Variants in GOLGA4 observed in about 807,000 individuals in gnomAD.
The protein encoded by GOLGA4 is golgin A4.
GOLGA4 carries 169 observed loss-of-function variants against 265.9 expected under a neutral mutation model. That is an observed-to-expected ratio of 0.64 (90% CI 0.56 to 0.72). The LOEUF (loss-of-function observed/expected upper bound fraction) is 0.72, where lower values mean the gene tolerates loss of function less well. Among genes scored for constraint, GOLGA4 ranks in the 30% least tolerant of loss-of-function variants. GOLGA4 has a pLI of 0.00. For synonymous variants in GOLGA4, 923 were observed against 855.8 expected (o/e 1.08, Z -1.37); for missense variants, 2,482 against 2,483.4 (o/e 1.00, Z 0.01).
intron 10 of GOLGA4, among the ~76,000 whole-genome samples, chr3:37,307,771 C>T (rs1303719200): frequency 6.6e-6 from 1 of 152,144 alleles, no homozygotes; most frequent in African/African-American, 2.4e-5. Context: ...ATTTATGTCT[C>T]CAACAATGTC....
At chr3:37,317,604 A>G (rs565794596) in intron 11 of GOLGA4, among the ~76,000 whole-genome samples, 1 of 152,358 alleles carries the variant, frequency 6.6e-6, no homozygotes, top group East Asian at 1.9e-4. Context: ...TGTGGAAGAC[A>G]ATTTATACCC....
chr3:37,335,118 GA>G lies in GOLGA4; in HGVS notation c.6261del (p.Lys2087AsnfsTer6), dbSNP rs1484147612. On this transcript the variant is annotated frameshift_variant, in exon 17 of 24. Coordinates refer to ENST00000361924, the MANE Select transcript of GOLGA4 (RefSeq NM_002078.5). LOFTEE classifies it high-confidence loss of function. ...LQTQLEELQK[K>X]YQQKLEQEEN... ...AGACTCAACTTGAGGAGCTGCAGAA[GA>G]AATACCAGCAAAAGCTAGAGCAGGA... The G allele has an allele frequency of 2.5e-6, 4 of 1,609,244 alleles. No homozygotes were observed. The highest frequency in any genetic ancestry group is 3.4e-6 in the Non-Finnish European group (4 of 1,177,158).
chr3:37,274,217 A>G (rs1183948174), intron 2 of GOLGA4, among the ~76,000 whole-genome samples: 1 of 152,076 alleles, frequency 6.6e-6, no homozygotes, highest in South Asian at 2.1e-4. Flanking sequence ...TGAGAGACAT[A>G]CTGAGTTATA....
intron 4 of GOLGA4, among the ~76,000 whole-genome samples, chr3:37,286,748 A>AGG (rs1381496765): frequency 6.6e-6 from 1 of 152,196 alleles, no homozygotes; most frequent in Non-Finnish European, 1.5e-5. Flanking sequence ...CTGCTTTTTA[A>AGG]ATACCTGCAG....
In GOLGA4 at chr3:37,291,066, A is replaced by G. The variant is rs571291170; in HGVS notation, c.582+1775A>G. Among the ~76,000 whole-genome samples the G allele has an allele frequency of 5.9e-5, 9 of 152,288 alleles. No homozygotes were observed. In the East Asian group the frequency reaches 1.7e-3, roughly 29 times the overall value. On this transcript the variant is annotated intron_variant, in intron 5 of 23. Transcript: ENST00000361924. ...GAGAAATTAAATGCCCATGTTTTATACAGTTAATGATTAGATATACATAGT... is the reference window on the plus strand; with the variant it reads ...GAGAAATTAAATGCCCATGTTTTATGCAGTTAATGATTAGATATACATAGT...
rs778153861 is a variant in GOLGA4, at chr3:37,319,146, G to A, written c.1497G>A (p.Lys499=). ...GAAAAGAGCAGGAACTGACCAAGAA[G>A]CTTCAGACCCGAGAAAGGGAATTTC... is the stretch of plus-strand genomic sequence containing the variant. The part of the protein sequence containing the change: ...LARKEQELTK[K]LQTREREFQE... Residue 499 remains lysine (K), a synonymous_variant, in exon 12 of 24, where the codon AAG becomes AAA. Coordinates refer to ENST00000361924, the MANE Select transcript of GOLGA4 (RefSeq NM_002078.5). The A allele has an allele frequency of 3.1e-6, 5 of 1,611,208 alleles. No homozygotes were observed. The highest frequency in any genetic ancestry group is 1.7e-5 in the Admixed American group (1 of 59,836).
chr3:37,314,580 G>T lies in GOLGA4; in HGVS notation c.1235-840G>T, dbSNP rs554906280. ...TGCTTGAACCCGCGAGGCAGAGGTTGCAGTGAGCTGAGATCGCACCACTGC... is the reference window on the plus strand; with the variant it reads ...TGCTTGAACCCGCGAGGCAGAGGTTTCAGTGAGCTGAGATCGCACCACTGC... On this transcript the variant is annotated intron_variant, in intron 10 of 23. Transcript: ENST00000361924. Among the ~76,000 whole-genome samples, 4 of 151,574 alleles carry T rather than the reference G, an allele frequency of 2.6e-5. No individual in the cohort carries two copies. The East Asian group carries it at 5.9e-4, about 22-fold the overall frequency.
rs112183648 is a variant in GOLGA4 at position 37,299,855 on chromosome 3, A to C, written c.1086+484A>C. 4.6e-5 allele frequency among the ~76,000 whole-genome samples: 7 copies of C among 150,860 alleles called. 1 individual carries two copies. Among genetic ancestry groups the C allele is most frequent in the African/African-American group, 1.7e-4 (7 of 41,034 alleles). On this transcript the variant is annotated intron_variant, in intron 9 of 23. Transcript: ENST00000361924. Reference sequence around the variant, plus strand: ...GCTTGAAGCCAGAAGTTCAAGATCAACCTGGGCAGTAAAGCAAGACCTCCT... The same window carrying C: ...GCTTGAAGCCAGAAGTTCAAGATCACCCTGGGCAGTAAAGCAAGACCTCCT...
intron 10 of GOLGA4, among the ~76,000 whole-genome samples, chr3:37,311,029 T>C (rs964399949): frequency 3.3e-5 from 5 of 152,204 alleles, no homozygotes; most frequent in African/African-American, 1.2e-4. Flanking sequence ...AGTTTCACTT[T>C]GGAAAGGGTA....
chr3:37,243,750 C>T (rs539294731), intron 1 of GOLGA4, 128 bp downstream of exon 1: 4 of 736,616 alleles, frequency 5.4e-6, no homozygotes, highest in South Asian at 1.8e-5. Flanking sequence ...TTTTCCCAAA[C>T]TCCGGACCCA....
At chr3:37,268,647 C>T (rs2096789992) in intron 2 of GOLGA4, among the ~76,000 whole-genome samples, 1 of 152,068 alleles carries the variant, frequency 6.6e-6, no homozygotes, top group African/African-American at 2.4e-5. Flanking sequence ...TCTCGGCTCA[C>T]TGCGACCTCT....
rs372209442 is a variant in GOLGA4 at position 37,327,292 on chromosome 3, A to T, written c.5406A>T (p.Glu1802Asp). Reference sequence around the variant, plus strand: ...TAGGTCATCTTCAAGAGGAGCTTGAAGAAAAAAACAAGAAATATTCCTTGA... The same window carrying T: ...TAGGTCATCTTCAAGAGGAGCTTGATGAAAAAAACAAGAAATATTCCTTGA... The part of the protein sequence containing the change: ...SMIGHLQEEL[E>D]EKNKKYSLIV... Residue 1802 changes from glutamate to aspartate, a missense_variant, in exon 14 of 24, where the codon GAA (glutamate) becomes GAT (aspartate). Physicochemically the swap from Glu to Asp is conservative, Grantham distance 45. Around this residue, in one of 3 missense-constraint regions of GOLGA4, gnomAD observed 942 missense variants for 983.1 expected, o/e 0.96. Coordinates refer to ENST00000361924, the MANE Select transcript of GOLGA4 (RefSeq NM_002078.5). 6 of 1,613,618 alleles carry T rather than the reference A, an allele frequency of 3.7e-6. No individual in the cohort carries two copies. The African/African-American group carries it at 8.0e-5, about 22-fold the overall frequency.
At chr3:37,286,130 ATTTCTTTC>A in intron 4 of GOLGA4, 69 bp downstream of exon 4, 1 of 304,972 alleles carries the variant, frequency 3.3e-6, no homozygotes. Flanking sequence ...ATAGTAAGAT[ATTTCTTTC>A]TTTTTTTTTT....
At position 37,325,378 on chromosome 3, in the gene GOLGA4, A is replaced by C; in HGVS notation, c.3492A>C (p.Ala1164=). Residue 1164 remains alanine (A), a synonymous_variant, in exon 14 of 24, where the codon GCA becomes GCC. Coordinates refer to ENST00000361924, the MANE Select transcript of GOLGA4 (RefSeq NM_002078.5). ...AGCTAGTTGAACTGAAGATGCTGGC[A>C]GAAGAAGATAAGCGGAAGGTTTCTG... ...QEQLVELKML[A]EEDKRKVSEL... is the part of the protein sequence containing the mutation. 6.2e-7 allele frequency: 1 copy of C among 1,613,132 alleles called. No individual in the cohort carries two copies. The highest frequency in any genetic ancestry group is 2.2e-5 in the East Asian group (1 of 44,852).
At chr3:37,253,910 G>A (rs2096740858) in intron 2 of GOLGA4, among the ~76,000 whole-genome samples, 1 of 151,990 alleles carries the variant, frequency 6.6e-6, no homozygotes, top group Non-Finnish European at 1.5e-5. Context: ...CAGCTATTTG[G>A]GAGGCTGAGG....
At chr3:37,354,530 G>C (rs763759791) in intron 21 of GOLGA4, among the ~76,000 whole-genome samples, 12 of 152,020 alleles carry the variant, frequency 7.9e-5, no homozygotes, top group Non-Finnish European at 1.5e-4. Flanking sequence ...TGCAAGCCAT[G>C]TGTAATGTTT....
chr3:37,288,476 G>T (rs2096856069), intron 4 of GOLGA4, among the ~76,000 whole-genome samples: 2 of 148,556 alleles, frequency 1.3e-5, no homozygotes, highest in Non-Finnish European at 3.0e-5. Context: ...GAATTTTTCT[G>T]GATGGTTTTT....
intron 1 of GOLGA4, among the ~76,000 whole-genome samples, chr3:37,248,545 T>C (rs9859425): frequency 0.013 from 2,041 of 152,306 alleles, 42 homozygotes; most frequent in African/African-American, 0.047. Context: ...GTTAGTTCTT[T>C]ATGCACTGTT....
intron 16 of GOLGA4, among the ~76,000 whole-genome samples, chr3:37,331,451 A>C (rs1047257942): frequency 2.6e-5 from 4 of 152,192 alleles, no homozygotes; most frequent in South Asian, 2.1e-4. Context: ...AAAAATGCAA[A>C]TACTACTAAA....
Sources: allele counts gnomAD v4.1 joint callset (sites outside exome capture counted in the v4.1 genomes callset), GRCh38; gene constraint gnomAD v4.1.1; regional missense constraint gnomAD v4.1.1; transcripts MANE v1.5; gene names NCBI Gene and HGNC (gene_info 2026-07-23, HGNC 2026-07-21).